Variants in LPA observed in about 807,000 individuals in gnomAD.
LPA encodes the protein apolipoprotein(a).
Under a neutral mutation model 197.9 loss-of-function variants are expected in LPA, and 199 were observed. The observed-to-expected ratio is 1.01, with a 90% CI of 0.90 to 1.13. The LOEUF is 1.13. Ranked by LOEUF, LPA falls within the 50% of genes most tolerant of loss-of-function variation. The pLI is 0.00. For synonymous variants in LPA, 715 were observed against 639.5 expected (o/e 1.12, Z -1.78); for missense variants, 1,853 against 1,785.8 (o/e 1.04, Z -0.68).
intron 20 of LPA, among the ~76,000 whole-genome samples, chr6:160,597,894 C>T (rs1425474592): frequency 6.6e-6 from 1 of 152,180 alleles, no homozygotes; most frequent in African/African-American, 2.4e-5. Context: ...AGCAACTTAA[C>T]TTTGTTGTTC....
At chr6:160,535,841 G>C (rs1777886605) in intron 37 of LPA, among the ~76,000 whole-genome samples, 1 of 152,122 alleles carries the variant, frequency 6.6e-6, no homozygotes. Flanking sequence ...AGATGGGAGA[G>C]CCAGAACTCA....
At position 160,599,499 on chromosome 6, in the gene LPA, C is replaced by G. The variant is rs767906902; in HGVS notation, c.3287+1G>C. 5.6e-6 allele frequency: 9 copies of G among 1,613,432 alleles called. No individual in the cohort carries two copies. Among genetic ancestry groups the G allele is most frequent in the East Asian group, 2.2e-5 (1 of 44,882 alleles). On this transcript the variant is annotated splice_donor_variant, in intron 20 of 38. Transcript: ENST00000316300. LOFTEE classifies it high-confidence loss of function. ...GCTTATGGTAAAGAACAAAGACGTA[C>G]GCATTTGGGTAGTTTTCTGGGGTCC...
At chr6:160,612,533 C>T (rs200724445) in intron 15 of LPA, among the ~76,000 whole-genome samples, 960 of 1,476 alleles carry the variant, frequency 0.65, 476 homozygotes, top group Middle Eastern at 1. Flanking sequence ...AGCCACATTT[C>T]TCAGAATCTG....
chr6:160,604,908 C>A (rs1779314056), intron 18 of LPA, 138 bp downstream of exon 18: 3 of 1,372,046 alleles, frequency 2.2e-6, no homozygotes, highest in Admixed American at 1.7e-5. Flanking sequence ...TGCTCAAAGA[C>A]AATGTTCCTG....
chr6:160,599,336 C>G (rs1384004715), intron 20 of LPA, among the ~76,000 whole-genome samples, 164 bp downstream of exon 20: 1 of 152,144 alleles, frequency 6.6e-6, no homozygotes, highest in Non-Finnish European at 1.5e-5. Context: ...AAGCAAGACT[C>G]TGTCTCAAAA....
chr6:160,546,914 C>A (rs1778080806), intron 32 of LPA, among the ~76,000 whole-genome samples: 1 of 152,234 alleles, frequency 6.6e-6, no homozygotes, highest in South Asian at 2.1e-4. Context: ...TCATGGTGAC[C>A]TGATGGCCCA....
At chr6:160,653,971 TATA>T (rs1562354376) in intron 1 of LPA, among the ~76,000 whole-genome samples, 2 of 21,240 alleles carry the variant, frequency 9.4e-5, no homozygotes, top group African/African-American at 4.0e-4. Context: ...ATATATTATA[TATA>T]ATATATAATA....
At chr6:160,585,006 T>C (rs1778879601) in intron 26 of LPA, 40 bp downstream of exon 26, 1 of 1,608,184 alleles carries the variant, frequency 6.2e-7, no homozygotes, top group African/African-American at 1.3e-5. Context: ...GAAATTTTAG[T>C]TGACTATTGT....
At position 160,590,989 on chromosome 6, in the gene LPA, T is replaced by C. The variant is rs202156958; in HGVS notation, c.3742A>G (p.Thr1248Ala). Residue 1248 changes from threonine (T) to alanine (A), a missense_variant, in exon 23 of 39, where the codon ACA becomes GCA. Physicochemically the swap from Thr to Ala is moderately conservative, Grantham distance 58. This residue lies in a region of LPA where 1,737 missense variants were observed against 1,504.4 expected (regional missense o/e 1.15). Coordinates refer to ENST00000316300, the MANE Select transcript of LPA (RefSeq NM_005577.4). ...GACGTCGCAAGGACACTTGATTCTG[T>C]CACTGGACATTGTGTCAGGTTGCAG... ...EYCNLTQCPV[T>A]ESSVLATSTA... The C allele has an allele frequency of 3.0e-5, 49 of 1,614,024 alleles. No homozygotes were observed. In the East Asian group the frequency reaches 1.0e-3, roughly 33 times the overall value.
chr6:160,583,392 T>A (rs1288612450), intron 26 of LPA, among the ~76,000 whole-genome samples: 1 of 152,182 alleles, frequency 6.6e-6, no homozygotes, highest in Non-Finnish European at 1.5e-5. Flanking sequence ...TAAGCTTTTC[T>A]AGGGTGTTTC....
intron 16 of LPA, among the ~76,000 whole-genome samples, chr6:160,609,314 T>A (rs1218382398): frequency 6.6e-6 from 1 of 152,130 alleles, no homozygotes; most frequent in African/African-American, 2.4e-5. Flanking sequence ...CATTCTCGGT[T>A]GATCTCTTCT....
At chr6:160,595,227 G>A in intron 21 of LPA, 127 bp downstream of exon 21, 5 of 1,189,402 alleles carry the variant, frequency 4.2e-6, no homozygotes, top group Admixed American at 1.7e-5. Context: ...CCTTCCCAGT[G>A]GCTGACCCTG....
chr6:160,635,513 T>A (rs576001300), intron 6 of LPA, among the ~76,000 whole-genome samples: 32 of 115,486 alleles, frequency 2.8e-4, no homozygotes, highest in African/African-American at 1.0e-3. Flanking sequence ...ATTACTATTT[T>A]TTTTAAATAA....
intron 33 of LPA, 39 bp downstream of exon 33, chr6:160,545,401 A>T: frequency 7.4e-7 from 1 of 1,354,140 alleles, no homozygotes; most frequent in Non-Finnish European, 1.1e-6. Context: ...AATCCATATT[A>T]AGGAAGCAGT....
chr6:160,595,862 C>T (rs573126356), intron 20 of LPA, among the ~76,000 whole-genome samples: 1 of 152,306 alleles, frequency 6.6e-6, no homozygotes, highest in East Asian at 1.9e-4. Flanking sequence ...ATACTCTGTA[C>T]ATTGTACAAT....
At chr6:160,611,881 AC>A (rs1205915837) in intron 15 of LPA, among the ~76,000 whole-genome samples, 160 bp from the exon 16 acceptor site, 124 of 76,792 alleles carry the variant, frequency 1.6e-3, no homozygotes, top group African/African-American at 6.3e-3. Flanking sequence ...CAAAAAACAT[AC>A]AGCAAACCTA....
At chr6:160,610,777 C>A (rs1463705878) in intron 16 of LPA, among the ~76,000 whole-genome samples, 6 of 152,126 alleles carry the variant, frequency 3.9e-5, no homozygotes, top group Non-Finnish European at 7.4e-5. Flanking sequence ...CTATTCAGTG[C>A]AGGAAGGGTA....
intron 32 of LPA, among the ~76,000 whole-genome samples, chr6:160,546,855 A>G (rs1156545668): frequency 6.6e-6 from 1 of 152,176 alleles, no homozygotes; most frequent in Non-Finnish European, 1.5e-5. Context: ...CCCTATTCAT[A>G]GGCCCCAAAG....
chr6:160,538,040 G>T, intron 36 of LPA, 79 bp from the exon 37 acceptor site: 2 of 1,208,750 alleles, frequency 1.7e-6, no homozygotes, highest in Non-Finnish European at 2.4e-6. Context: ...TCCCTGCCTT[G>T]AAGCCCCAGA....
Sources: allele counts gnomAD v4.1 joint callset (sites outside exome capture counted in the v4.1 genomes callset), GRCh38; gene constraint gnomAD v4.1.1; regional missense constraint gnomAD v4.1.1; transcripts MANE v1.5; gene names NCBI Gene and HGNC (gene_info 2026-07-23, HGNC 2026-07-21).